MPDZ: variants seen among roughly 807,000 people sequenced by gnomAD.
MPDZ encodes multiple PDZ domain crumbs cell polarity complex component.
In MPDZ, 234 loss-of-function variants were observed where a neutral mutation model predicts 239.1. The ratio of observed to expected loss-of-function variants is 0.98; its 90% CI spans 0.88 to 1.09. The LOEUF is 1.09. Ranked by LOEUF, MPDZ falls within the 50% of genes least tolerant of loss-of-function variation. MPDZ has a pLI of 0.00. For synonymous variants in MPDZ, 1,048 were observed against 881.3 expected (o/e 1.19, Z -3.35); for missense variants, 3,175 against 2,510.0 (o/e 1.26, Z -5.66).
At chr9:13,114,239 G>C (rs929961525) in intron 40 of MPDZ, among the ~76,000 whole-genome samples, 3 of 152,178 alleles carry the variant, frequency 2.0e-5, no homozygotes, top group African/African-American at 7.2e-5. Context: ...AAGGGTAGAT[G>C]AAATTGATTC....
intron 39 of MPDZ, among the ~76,000 whole-genome samples, chr9:13,117,129 T>C (rs1943584476): frequency 6.6e-6 from 1 of 152,106 alleles, no homozygotes; most frequent in Non-Finnish European, 1.5e-5. Context: ...ATTATAACAA[T>C]GTGCTGTAAT....
Position 13,164,751 on chromosome 9 carries a change from C to T in MPDZ, c.3255-1956G>A, listed in dbSNP as rs375338847. On this transcript the variant is annotated intron_variant, in intron 22 of 46. Transcript: ENST00000319217. Reference sequence around the variant, plus strand: ...GCATAGCAGTGAGAAAGAGTAGAGACGGTAGTTTTCCTAACTATTTAGCCA... The same window carrying T: ...GCATAGCAGTGAGAAAGAGTAGAGATGGTAGTTTTCCTAACTATTTAGCCA... Among the ~76,000 whole-genome samples, 37 of 152,116 alleles carry T rather than the reference C, an allele frequency of 2.4e-4. 1 individual carries two copies. Among genetic ancestry groups the T allele is most frequent in the South Asian group, 2.3e-3 (11 of 4,820 alleles).
chr9:13,176,296 CCCATA>C lies in MPDZ; in HGVS notation c.2766_2770del (p.Ser922ArgfsTer10), dbSNP rs1377702271. 6.2e-7 allele frequency: 1 copy of C among 1,610,376 alleles called. No individual in the cohort carries two copies. The highest frequency in any genetic ancestry group is 1.7e-5 in the Admixed American group (1 of 59,642). On this transcript the variant is annotated frameshift_variant, in exon 20 of 47. Coordinates refer to ENST00000319217, the MANE Select transcript of MPDZ (RefSeq NM_001378778.1). LOFTEE classifies it high-confidence loss of function. ...ATTTATAGTAAAGCCAGAAGCAGGC[CCCATA>C]CTTATGTCCACCGAAGGTGTATTCT... is the stretch of plus-strand genomic sequence containing the variant.
chr9:13,123,179 T>G lies in MPDZ; in HGVS notation c.4927A>C (p.Ile1643Leu). 6.2e-7 allele frequency: 1 copy of G among 1,612,760 alleles called. No individual in the cohort carries two copies. Among genetic ancestry groups the G allele is most frequent in the East Asian group, 2.2e-5 (1 of 44,848 alleles). The change falls in exon 36 of 47, where the codon ATC (isoleucine) becomes CTC (leucine). Residue 1643 changes from isoleucine to leucine, a missense_variant. Transcript: ENST00000319217. ...AGCAGCGTGTCTGAACCCCCAACGA[T>G]GCTCAGGCCCAGCCCTGTTCGCCCT... ...SKGRTGLGLS[I>L]VGGSDTLLGA...
intron 24 of MPDZ, among the ~76,000 whole-genome samples, chr9:13,152,491 TCTCTTGTCTGC>T (rs1949305572): frequency 6.6e-6 from 1 of 152,088 alleles, no homozygotes; most frequent in Admixed American, 6.6e-5. Context: ...CAAGCTCTCT[TCTCTTGTCTGC>T]CACCATGTGA....
chr9:13,267,675 G>C (rs1254953040), intron 1 of MPDZ, among the ~76,000 whole-genome samples: 3 of 152,166 alleles, frequency 2.0e-5, no homozygotes, highest in Non-Finnish European at 4.4e-5. Context: ...AGAAGAATGT[G>C]TTTGATGTAT....
chr9:13,239,396 AT>A (rs1315084324), intron 3 of MPDZ, among the ~76,000 whole-genome samples: 1 of 152,168 alleles, frequency 6.6e-6, no homozygotes, highest in Non-Finnish European at 1.5e-5. Flanking sequence ...GAGGAAAATC[AT>A]ATTACCGACT....
chr9:13,195,760 A>C (rs998944599), intron 13 of MPDZ, among the ~76,000 whole-genome samples: 2 of 152,330 alleles, frequency 1.3e-5, no homozygotes, highest in African/African-American at 4.8e-5. Context: ...AAGTCATGAT[A>C]AATTTTGTTT....
At chr9:13,149,347 G>A (rs948995319) in intron 25 of MPDZ, among the ~76,000 whole-genome samples, 2 of 152,006 alleles carry the variant, frequency 1.3e-5, no homozygotes, top group African/African-American at 4.8e-5. Flanking sequence ...TCTAAACAAA[G>A]TCTTCCAGTG....
chr9:13,204,285 A>G (rs1390998535), intron 12 of MPDZ, among the ~76,000 whole-genome samples: 2 of 152,102 alleles, frequency 1.3e-5, no homozygotes, highest in Admixed American at 1.3e-4. Flanking sequence ...TGGCAAAACT[A>G]TGTATTAAAA....
intron 22 of MPDZ, 110 bp from the exon 23 acceptor site, chr9:13,162,905 T>A (rs1360271371): frequency 3.0e-6 from 2 of 671,214 alleles, no homozygotes; most frequent in East Asian, 5.6e-5. Flanking sequence ...TTCTCCCTAC[T>A]TTTTCATACA....
At chr9:13,207,967 C>T (rs1957179639) in intron 10 of MPDZ, among the ~76,000 whole-genome samples, 1 of 152,140 alleles carries the variant, frequency 6.6e-6, no homozygotes, top group South Asian at 2.1e-4. Flanking sequence ...AATTCAAAGT[C>T]ATTAATATTC....
chr9:13,244,221 T>G (rs17182402), intron 3 of MPDZ, among the ~76,000 whole-genome samples: 15,912 of 152,196 alleles, frequency 0.1, 1,090 homozygotes, highest in South Asian at 0.22. Flanking sequence ...TGGAGAAACT[T>G]CATAGAATAA....
intron 34 of MPDZ, among the ~76,000 whole-genome samples, 195 bp downstream of exon 34, chr9:13,126,321 C>T (rs1359610491): frequency 1.3e-5 from 2 of 152,056 alleles, no homozygotes; most frequent in African/African-American, 4.8e-5. Context: ...ATTTGTGTGG[C>T]AACGAAAAAT....
chr9:13,125,817 T>C (rs1945025012), intron 34 of MPDZ, among the ~76,000 whole-genome samples: 2 of 152,112 alleles, frequency 1.3e-5, no homozygotes, highest in South Asian at 4.1e-4. Context: ...ATAAGAAAAG[T>C]ATACAACAAA....
chr9:13,226,672 T>C (rs757851524), intron 3 of MPDZ, among the ~76,000 whole-genome samples: 8 of 152,048 alleles, frequency 5.3e-5, no homozygotes, highest in Non-Finnish European at 8.8e-5. Flanking sequence ...TTTTAATTCA[T>C]GGCACTCATT....
chr9:13,134,114 T>A (rs1563871212), intron 31 of MPDZ: 1 of 215,924 alleles, frequency 4.6e-6, no homozygotes, highest in East Asian at 9.9e-5. Flanking sequence ...TTTATGAACA[T>A]TACATTCTCT....
intron 10 of MPDZ, among the ~76,000 whole-genome samples, chr9:13,208,430 G>A (rs561777156): frequency 6.6e-6 from 1 of 151,034 alleles, no homozygotes; most frequent in Non-Finnish European, 1.5e-5. Context: ...CTGGGCATCA[G>A]AGTGAGACCC....
chr9:13,223,656 A>G lies in MPDZ; in HGVS notation c.448T>C (p.Phe150Leu). ...TCACTTCTTAGTCCCACAACACTAA[A>G]CCCAAGGCCTCCAGATGGAGGTTTG... ...LLKPPSGGLG[F>L]SVVGLRSENR... Residue 150 changes from phenylalanine (F) to leucine (L), a missense_variant, in exon 5 of 47, where the codon TTT (phenylalanine) becomes CTT (leucine). Phe to Leu is a conservative substitution (Grantham distance 22, BLOSUM62 0). Transcript: ENST00000319217. 1 of 1,611,984 alleles carries G rather than the reference A, an allele frequency of 6.2e-7. No individual in the cohort carries two copies. The highest frequency in any genetic ancestry group is 8.5e-7 in the Non-Finnish European group (1 of 1,178,880).
Sources: gnomAD v4.1 joint callset for allele counts (sites outside exome capture counted in the v4.1 genomes callset) on GRCh38, gnomAD v4.1.1 for gene constraint, MANE v1.5 for transcripts, NCBI Gene and HGNC (gene_info 2026-07-23, HGNC 2026-07-21) for gene names.